The following XKR3 variants were observed in gnomAD, a reference collection of about 807,000 sequenced individuals.
XKR3 encodes the protein XK-related protein 3.
Under a neutral mutation model 40.3 loss-of-function variants are expected in XKR3, and 27 were observed. The observed-to-expected ratio is 0.67, with a 90% CI of 0.49 to 0.92. XKR3 has a LOEUF of 0.92. XKR3 is among the 40% of genes least tolerant of loss of function. The probability of loss-of-function intolerance (pLI) is 0.00; values close to 1 mark genes in which losing one functional copy is unlikely to be tolerated. For synonymous variants in XKR3, 193 were observed against 195.4 expected (o/e 0.99, Z 0.10); for missense variants, 472 against 537.6 (o/e 0.88, Z 1.21).
intron 2 of XKR3, among the ~76,000 whole-genome samples, chr22:16,801,004 T>A (rs1274404301): frequency 2.0e-5 from 3 of 151,706 alleles, no homozygotes; most frequent in African/African-American, 7.3e-5. Context: ...TAAATAACTT[T>A]AACAAAATTA....
At chr22:16,808,523 A>G (rs1048768831) in intron 1 of XKR3, among the ~76,000 whole-genome samples, 8 of 152,220 alleles carry the variant, frequency 5.3e-5, no homozygotes, top group African/African-American at 1.7e-4. Flanking sequence ...GATATTCCTG[A>G]TTAGTAAAGG....
chr22:16,793,947 T>G (rs2060130790), intron 3 of XKR3, among the ~76,000 whole-genome samples: 1 of 152,140 alleles, frequency 6.6e-6, no homozygotes, highest in Admixed American at 6.5e-5. Flanking sequence ...AGGAAAGAAT[T>G]TCAGAGCTCC....
intron 1 of XKR3, among the ~76,000 whole-genome samples, chr22:16,821,208 T>C (rs969669081): frequency 8.5e-5 from 13 of 152,140 alleles, no homozygotes; most frequent in Admixed American, 7.9e-4. Context: ...TATGATAGCA[T>C]TGACCTTAAC....
chr22:16,798,721 G>T (rs748312270), intron 3 of XKR3, among the ~76,000 whole-genome samples: 1 of 152,194 alleles, frequency 6.6e-6, no homozygotes, highest in South Asian at 2.1e-4. Context: ...ATAAATGCAG[G>T]TGGAGGCCAT....
At chr22:16,787,307 G>A (rs1487817141) in intron 3 of XKR3, among the ~76,000 whole-genome samples, 5 of 151,926 alleles carry the variant, frequency 3.3e-5, no homozygotes, top group East Asian at 1.9e-4. Context: ...ACCTGTAATC[G>A]CAGCTATTTG....
At chr22:16,819,153 AAAG>A (rs940168105) in intron 1 of XKR3, among the ~76,000 whole-genome samples, 4 of 152,214 alleles carry the variant, frequency 2.6e-5, no homozygotes, top group African/African-American at 9.6e-5. Flanking sequence ...AAGTAGTAAT[AAAG>A]AAGGATACAT....
intron 3 of XKR3, among the ~76,000 whole-genome samples, chr22:16,785,720 CG>C (rs2060087536): frequency 6.6e-6 from 1 of 151,772 alleles, no homozygotes; most frequent in Non-Finnish European, 1.5e-5. Context: ...AAAAATTAGC[CG>C]GGCATAGACC....
intron 2 of XKR3, among the ~76,000 whole-genome samples, chr22:16,803,794 C>T (rs1464966270): frequency 1.3e-5 from 2 of 152,188 alleles, no homozygotes; most frequent in African/African-American, 2.4e-5. Context: ...TAATCCACCC[C>T]TTGTTTAGCA....
In XKR3 at chr22:16,800,087, G is replaced by A. The variant is rs1569038924; in HGVS notation, c.336-63C>T. ...TGGTGACAGACATCTAGAAATATTT[G>A]AAAGTTTATCAGGAGAGGAACTCTT... On this transcript the variant is annotated intron_variant, in intron 2 of 3. Coordinates refer to ENST00000684488, the MANE Select transcript of XKR3 (RefSeq NM_001386955.1). The A allele has an allele frequency of 1.9e-6, 3 of 1,556,748 alleles. No homozygotes were observed. The East Asian group carries it at 6.8e-5, about 35-fold the overall frequency.
intron 1 of XKR3, among the ~76,000 whole-genome samples, chr22:16,821,280 T>C (rs56207657): frequency 0.2 from 29,718 of 152,132 alleles, 3,579 homozygotes; most frequent in Middle Eastern, 0.3. Flanking sequence ...TAGAAAGCTC[T>C]ATTATGACAG....
intron 1 of XKR3, among the ~76,000 whole-genome samples, chr22:16,813,925 TTTCTG>T (rs1183597624): frequency 2.0e-5 from 3 of 152,242 alleles, no homozygotes; most frequent in African/African-American, 7.2e-5. Context: ...GATTTTCATT[TTTCTG>T]ATAGCTAATT....
At chr22:16,809,150 T>C (rs2060202688) in intron 1 of XKR3, among the ~76,000 whole-genome samples, 1 of 152,230 alleles carries the variant, frequency 6.6e-6, no homozygotes, top group South Asian at 2.1e-4. Flanking sequence ...TAATTTATCA[T>C]AAATATTCCT....
intron 3 of XKR3, 80 bp from the exon 4 acceptor site, chr22:16,784,489 A>T: frequency 7.7e-7 from 1 of 1,303,828 alleles, no homozygotes. Flanking sequence ...TTGCCATTTT[A>T]AGATATATTC....
chr22:16,804,791 A>G (rs2146164526), intron 2 of XKR3, among the ~76,000 whole-genome samples: 1 of 152,308 alleles, frequency 6.6e-6, no homozygotes, highest in South Asian at 2.1e-4. Context: ...TTTCTGGAAC[A>G]AACCAATGTA....
intron 3 of XKR3, among the ~76,000 whole-genome samples, chr22:16,794,574 C>T (rs2060132994): frequency 2.0e-5 from 3 of 152,190 alleles, no homozygotes; most frequent in Non-Finnish European, 4.4e-5. Flanking sequence ...GAATGCCAAA[C>T]GTGCATTTGA....
At chr22:16,799,170 T>A (rs1255970927) in intron 3 of XKR3, among the ~76,000 whole-genome samples, 1 of 151,872 alleles carries the variant, frequency 6.6e-6, no homozygotes, top group Admixed American at 6.6e-5. Flanking sequence ...TCCCAGTACT[T>A]TGGGAGGCCA....
chr22:16,789,600 A>G (rs2060105192), intron 3 of XKR3, among the ~76,000 whole-genome samples: 1 of 152,218 alleles, frequency 6.6e-6, no homozygotes, highest in Non-Finnish European at 1.5e-5. Flanking sequence ...TATAGGACCC[A>G]AATAGGTCCA....
At chr22:16,784,702 T>C (rs1220092240) in intron 3 of XKR3, among the ~76,000 whole-genome samples, 5 of 152,012 alleles carry the variant, frequency 3.3e-5, no homozygotes, top group African/African-American at 1.2e-4. Context: ...ACAGATAAAA[T>C]GGAAGAGACA....
intron 3 of XKR3, among the ~76,000 whole-genome samples, chr22:16,793,533 A>G (rs1426210948): frequency 1.5e-4 from 23 of 151,706 alleles, no homozygotes; most frequent in African/African-American, 5.3e-4. Flanking sequence ...AACTGCCACT[A>G]CAATCATGTT....
Sources: gnomAD v4.1 joint callset for allele counts (sites outside exome capture counted in the v4.1 genomes callset) on GRCh38, gnomAD v4.1.1 for gene constraint, MANE v1.5 for transcripts, NCBI Gene and HGNC (gene_info 2026-07-23, HGNC 2026-07-21) for gene names.